The following ANKS1A variants were observed in gnomAD, a reference collection of about 807,000 sequenced individuals.
ANKS1A encodes the protein ankyrin repeat and SAM domain-containing protein 1A.
In ANKS1A, 55 loss-of-function variants were observed where a neutral mutation model predicts 120.3. The ratio of observed to expected loss-of-function variants is 0.46; its 90% confidence interval spans 0.37 to 0.57. ANKS1A has a LOEUF of 0.57. Among genes scored for constraint, ANKS1A ranks in the 20% least tolerant of loss-of-function variants. The probability of loss-of-function intolerance (pLI) is 0.00; values close to 1 mark genes in which losing one functional copy is unlikely to be tolerated. For synonymous variants in ANKS1A, 590 were observed against 604.7 expected (o/e 0.98, Z 0.36); for missense variants, 1,123 against 1,480.3 (o/e 0.76, Z 3.96).
intron 11 of ANKS1A, among the ~76,000 whole-genome samples, chr6:35,028,162 C>A (rs1003583903): frequency 6.6e-6 from 1 of 152,198 alleles, no homozygotes; most frequent in African/African-American, 2.4e-5. Context: ...CACTTTGGAT[C>A]TAGTTATTTT....
chr6:34,950,152 C>T (rs530655024), intron 1 of ANKS1A, among the ~76,000 whole-genome samples: 25 of 151,126 alleles, frequency 1.7e-4, no homozygotes, highest in Admixed American at 1.2e-3. Context: ...TGCACCCTAA[C>T]GTGGGTGACA....
At chr6:35,034,643 G>A (rs1366405915) in intron 11 of ANKS1A, among the ~76,000 whole-genome samples, 1 of 152,170 alleles carries the variant, frequency 6.6e-6, no homozygotes, top group Non-Finnish European at 1.5e-5. Context: ...TGTAGTCTTG[G>A]TATTACTCAG....
chr6:35,001,291 C>T (rs934789698), intron 10 of ANKS1A, among the ~76,000 whole-genome samples: 3 of 152,182 alleles, frequency 2.0e-5, no homozygotes, highest in African/African-American at 4.8e-5. Context: ...AGACTTAAAA[C>T]AAACTTTGGC....
chr6:34,944,889 C>A (rs1021873035), intron 1 of ANKS1A, among the ~76,000 whole-genome samples: 4 of 152,228 alleles, frequency 2.6e-5, no homozygotes, highest in African/African-American at 9.6e-5. Flanking sequence ...ATTCTCTTAA[C>A]TGTTTTTCAC....
At chr6:35,095,649 T>TAAA (rs60295651), downstream of ANKS1A, among the ~76,000 whole-genome samples, 18,645 of 127,976 alleles carry the variant, frequency 0.15, 1,555 homozygotes, top group African/African-American at 0.19. Flanking sequence ...ACTTTTGTGT[T>TAAA]AAAAAAAAAA....
chr6:34,950,902 C>G (rs1035011045), intron 1 of ANKS1A, among the ~76,000 whole-genome samples: 2 of 152,140 alleles, frequency 1.3e-5, no homozygotes, highest in Non-Finnish European at 2.9e-5. Flanking sequence ...CAAGGTCAGG[C>G]CCTAGAGGGC....
At chr6:35,031,094 A>G (rs1475014382) in intron 11 of ANKS1A, among the ~76,000 whole-genome samples, 2 of 152,224 alleles carry the variant, frequency 1.3e-5, no homozygotes, top group African/African-American at 4.8e-5. Flanking sequence ...AGTGTGCACA[A>G]TGCTTCCAGA....
chr6:35,000,108 A>G lies in ANKS1A; in HGVS notation c.1423+5686A>G, dbSNP rs561007328. On this transcript the variant is annotated intron_variant, in intron 10 of 23. Transcript: ENST00000360359. The stretch of plus-strand genomic sequence containing the variant: ...TTCTTCGTAACCCTGTAACACTCTA[A>G]TACCACTTTGTTGTCAGTGTAGTCA... Among the ~76,000 whole-genome samples, 29 of 152,336 alleles carry G rather than the reference A, an allele frequency of 1.9e-4. No homozygotes were observed. The South Asian group carries it at 5.0e-3, about 26-fold the overall frequency.
At chr6:34,928,294 C>T (rs1768813640) in intron 1 of ANKS1A, among the ~76,000 whole-genome samples, 1 of 152,156 alleles carries the variant, frequency 6.6e-6, no homozygotes, top group African/African-American at 2.4e-5. Flanking sequence ...AGAGAGCAGC[C>T]TTTTACAGCC....
chr6:34,994,313 G>A lies in ANKS1A; in HGVS notation c.1314G>A (p.Met438Ile), dbSNP rs775599679. 1 of 1,613,428 alleles carries A rather than the reference G, an allele frequency of 6.2e-7. No individual in the cohort carries two copies. The highest frequency in any genetic ancestry group is 8.5e-7 in the Non-Finnish European group (1 of 1,179,528). ...TTTCTCTCCCTTAGGTTCTGTCCATGAGACCTAGGATTCATGGGAGTGCAG... is the reference window on the plus strand; with the variant it reads ...TTTCTCTCCCTTAGGTTCTGTCCATAAGACCTAGGATTCATGGGAGTGCAG... ...FPLTASEVLS[M>I]RPRIHGSAAR... is the part of the protein sequence containing the mutation. The change falls in exon 10 of 24, where the codon ATG (methionine) becomes ATA (isoleucine). Residue 438 changes from methionine to isoleucine, a missense_variant. Met to Ile is a conservative substitution (Grantham distance 10). Coordinates refer to ENST00000360359, the MANE Select transcript of ANKS1A (RefSeq NM_015245.3).
chr6:35,024,175 C>T (rs1484722456), intron 11 of ANKS1A, among the ~76,000 whole-genome samples: 1 of 152,200 alleles, frequency 6.6e-6, no homozygotes, highest in East Asian at 1.9e-4. Flanking sequence ...TGTGTTCCTG[C>T]GGCAGAGTCT....
chr6:34,933,799 A>C (rs1769117056), intron 1 of ANKS1A, among the ~76,000 whole-genome samples: 1 of 152,256 alleles, frequency 6.6e-6, no homozygotes, highest in Admixed American at 6.5e-5. Flanking sequence ...AAGAATTGTC[A>C]GGGCTAATGC....
intron 1 of ANKS1A, among the ~76,000 whole-genome samples, chr6:34,918,598 G>A (rs1422985659): frequency 6.6e-6 from 1 of 152,112 alleles, no homozygotes; most frequent in Non-Finnish European, 1.5e-5. Flanking sequence ...GCAGCAGAAG[G>A]TATCTCAGGA....
chr6:35,070,024 CAAAAAAAAA>C (rs10667602), intron 13 of ANKS1A, among the ~76,000 whole-genome samples: 2 of 95,510 alleles, frequency 2.1e-5, no homozygotes, highest in Middle Eastern at 5.9e-3. Context: ...AAGACTCTGT[CAAAAAAAAA>C]AAAAAAAAAA....
chr6:35,086,450 C>A lies in ANKS1A; in HGVS notation c.3304-502C>A. On this transcript the variant is annotated intron_variant, in intron 22 of 23. Coordinates refer to ENST00000360359, the MANE Select transcript of ANKS1A (RefSeq NM_015245.3). This position sits in a 1 kb window ranked among gnomAD's most constrained non-coding sequence, Gnocchi z 5.1. ...TCTTAGCCTCTGGCGGCCTCTCCCT[C>A]TGCCTGTGTGACATTCTTTCCCCTC... 1 of 974,112 alleles carries A rather than the reference C, an allele frequency of 1.0e-6. No individual in the cohort carries two copies. Among genetic ancestry groups the A allele is most frequent in the Non-Finnish European group, 1.4e-6 (1 of 700,664 alleles). 60.3% of individuals were successfully genotyped at this position (974,112 alleles called of 1,614,324 possible).
In ANKS1A at chr6:34,914,424, T is replaced by C. The variant is rs928192829; in HGVS notation, c.197+24825T>C. Among the ~76,000 whole-genome samples, 7 of 152,354 alleles carry C rather than the reference T, an allele frequency of 4.6e-5. No homozygotes were observed. In the East Asian group the frequency reaches 5.8e-4, roughly 13 times the overall value. On this transcript the variant is annotated intron_variant, in intron 1 of 23. Coordinates refer to ENST00000360359, the MANE Select transcript of ANKS1A (RefSeq NM_015245.3). The stretch of plus-strand genomic sequence containing the variant: ...ATAAAAATAATCGTCACTTCGTAAA[T>C]CACCCTAATGAACGATTTAGTCATC...
intron 1 of ANKS1A, among the ~76,000 whole-genome samples, chr6:34,954,669 A>C (rs1453284317): frequency 3.3e-5 from 5 of 152,204 alleles, no homozygotes; most frequent in African/African-American, 9.6e-5. Flanking sequence ...GCTTAAACAC[A>C]AAACCACAAG....
intron 1 of ANKS1A, among the ~76,000 whole-genome samples, chr6:34,923,185 G>A (rs1055841725): frequency 3.3e-5 from 5 of 152,224 alleles, no homozygotes; most frequent in African/African-American, 9.7e-5. Context: ...TGAATACATT[G>A]CTGGCCTTTG....
intron 8 of ANKS1A, among the ~76,000 whole-genome samples, chr6:34,987,601 T>C (rs1044363279): frequency 6.6e-6 from 1 of 152,200 alleles, no homozygotes; most frequent in African/African-American, 2.4e-5. Flanking sequence ...GGCTTGAACA[T>C]ACAGGCTTGT....
Sources: allele counts gnomAD v4.1 joint callset (sites outside exome capture counted in the v4.1 genomes callset), GRCh38; gene constraint gnomAD v4.1.1; non-coding constraint Gnocchi (gnomAD v3.1); transcripts MANE v1.5; gene names NCBI Gene and HGNC (gene_info 2026-07-23, HGNC 2026-07-21).